FYB1: variants seen among roughly 807,000 people sequenced by gnomAD.
FYB1 encodes the protein FYN-binding protein 1.
FYB1 carries 41 observed loss-of-function variants against 94.1 expected under a neutral mutation model. The ratio of observed to expected loss-of-function variants is 0.44; its 90% CI spans 0.34 to 0.57. The LOEUF (loss-of-function observed/expected upper bound fraction) is 0.57, where lower values mean the gene tolerates loss of function less well. FYB1 is among the 20% of genes least tolerant of loss of function. The pLI is 0.02. For synonymous variants in FYB1, 367 were observed against 353.2 expected (o/e 1.04, Z -0.44); for missense variants, 1,050 against 976.8 (o/e 1.07, Z -1.00).
At chr5:39,240,201 A>G (rs1412084066) in intron 1 of FYB1, among the ~76,000 whole-genome samples, 1 of 152,156 alleles carries the variant, frequency 6.6e-6, no homozygotes, top group Non-Finnish European at 1.5e-5. Context: ...TAAATGTAAA[A>G]CCTAAAACCA....
At chr5:39,221,734 C>T (rs147058633), upstream of FYB1, among the ~76,000 whole-genome samples, 5 of 152,160 alleles carry the variant, frequency 3.3e-5, no homozygotes, top group African/African-American at 7.2e-5. Flanking sequence ...AGGTGGCTCA[C>T]GCCTATAATC....
rs1388946526 is a variant in FYB1, at chr5:39,202,853, C to T, written c.108G>A (p.Lys36=). ...CATTTCCTTGGTTGTTGAATAAGTT[C>T]TTTCTTGCTTGTATTCCTGAAGATG... The part of the protein sequence containing the change: ...PNSSSGIQAR[K]NLFNNQGNAS... Residue 36 remains lysine (K), a synonymous_variant, in exon 2 of 19, where the codon AAG becomes AAA. Transcript: ENST00000512982. 6.2e-7 allele frequency: 1 copy of T among 1,613,986 alleles called. No homozygotes were observed. Among genetic ancestry groups the T allele is most frequent in the Non-Finnish European group, 8.5e-7 (1 of 1,179,894 alleles).
chr5:39,127,172 TG>T (rs1740757506), intron 11 of FYB1, among the ~76,000 whole-genome samples: 1 of 151,178 alleles, frequency 6.6e-6, no homozygotes, highest in African/African-American at 2.4e-5. Context: ...GTTTATAAAT[TG>T]TTATAATTAT....
intron 1 of FYB1, among the ~76,000 whole-genome samples, chr5:39,237,961 C>A (rs945307188): frequency 6.6e-6 from 1 of 151,948 alleles, no homozygotes; most frequent in African/African-American, 2.4e-5. Context: ...TTGCTTTAGA[C>A]AAAGATATAG....
intron 2 of FYB1, among the ~76,000 whole-genome samples, chr5:39,184,104 A>G (rs1017346655): frequency 6.6e-6 from 1 of 152,242 alleles, no homozygotes; most frequent in Non-Finnish European, 1.5e-5. Flanking sequence ...GTTTTCAGAA[A>G]GAAAGTAAAT....
At chr5:39,171,193 G>A (rs907476125) in intron 2 of FYB1, among the ~76,000 whole-genome samples, 1 of 152,036 alleles carries the variant, frequency 6.6e-6, no homozygotes, top group Non-Finnish European at 1.5e-5. Context: ...GGGAGGCTGA[G>A]GCAGGAGAAT....
intron 2 of FYB1, among the ~76,000 whole-genome samples, chr5:39,190,768 T>TTGTGTGTGTGTGTGTGTG (rs3028815): frequency 2.6e-4 from 38 of 146,564 alleles, no homozygotes; most frequent in African/African-American, 6.5e-4. Context: ...CCATGCTTAT[T>TTGTGTGTGTGTGTGTGTG]TGTGTGTGTG....
chr5:39,121,482 A>G (rs1430683323), intron 14 of FYB1, among the ~76,000 whole-genome samples: 1 of 152,116 alleles, frequency 6.6e-6, no homozygotes, highest in Non-Finnish European at 1.5e-5. Flanking sequence ...TTACTCATGC[A>G]TTTTTACCAG....
At position 39,268,084 on chromosome 5, in the gene FYB1, A is replaced by G. The variant is rs779768525; in HGVS notation, c.-28+6319T>C. On this transcript the variant is annotated intron_variant, in intron 1 of 1. Coordinates refer to the FYB1 transcript ENST00000510188. The stretch of plus-strand genomic sequence containing the variant: ...ATAAAATGTGAGGAAATAGTTCATA[A>G]AGTATATAACACTTATAAAATTACA... Among the ~76,000 whole-genome samples the G allele has an allele frequency of 3.7e-4, 56 of 152,322 alleles. 1 individual carries two copies. The Middle Eastern group carries it at 0.014, about 37-fold the overall frequency.
At chr5:39,132,293 G>T (rs773001600) in intron 9 of FYB1, among the ~76,000 whole-genome samples, 1 of 152,122 alleles carries the variant, frequency 6.6e-6, no homozygotes, top group Non-Finnish European at 1.5e-5. Flanking sequence ...GCAAGCTGCC[G>T]GCTACACTCA....
At chr5:39,177,793 A>G (rs2150414464) in intron 2 of FYB1, among the ~76,000 whole-genome samples, 1 of 152,310 alleles carries the variant, frequency 6.6e-6, no homozygotes, top group African/African-American at 2.4e-5. Context: ...GGTGTCTTGC[A>G]GCTCTGGCTT....
chr5:39,253,864 G>C (rs911192994), intron 1 of FYB1, among the ~76,000 whole-genome samples: 1 of 152,120 alleles, frequency 6.6e-6, no homozygotes, highest in African/African-American at 2.4e-5. Flanking sequence ...ATATGCCCCA[G>C]TGTGTGTTGT....
chr5:39,114,043 A>G (rs1182433650), intron 16 of FYB1, among the ~76,000 whole-genome samples: 1 of 152,120 alleles, frequency 6.6e-6, no homozygotes, highest in African/African-American at 2.4e-5. Flanking sequence ...AAAATTGAAA[A>G]AAAAATTATG....
upstream of FYB1, among the ~76,000 whole-genome samples, chr5:39,220,786 G>A (rs1279043963): frequency 6.6e-6 from 1 of 152,198 alleles, no homozygotes; most frequent in Non-Finnish European, 1.5e-5. Context: ...TAGAGTAGTA[G>A]GGTCAGCAAA....
At chr5:39,234,103 C>A (rs539540630) in intron 1 of FYB1, among the ~76,000 whole-genome samples, 2 of 152,220 alleles carry the variant, frequency 1.3e-5, no homozygotes, top group South Asian at 4.1e-4. Flanking sequence ...ATTTCTAGGT[C>A]TTTAAACAGC....
chr5:39,109,986 A>C (rs1738908973), intron 17 of FYB1, among the ~76,000 whole-genome samples: 2 of 152,146 alleles, frequency 1.3e-5, no homozygotes, highest in Non-Finnish European at 2.9e-5. Flanking sequence ...GAAGTCACTA[A>C]TTGGTCCCAA....
At chr5:39,215,033 G>A (rs1237343547) in intron 1 of FYB1, among the ~76,000 whole-genome samples, 3 of 152,138 alleles carry the variant, frequency 2.0e-5, no homozygotes, top group Non-Finnish European at 4.4e-5. Context: ...GAGGGAGGAG[G>A]GAACAGGCAA....
intron 2 of FYB1, among the ~76,000 whole-genome samples, chr5:39,157,480 A>G (rs1743859596): frequency 6.6e-6 from 1 of 152,206 alleles, no homozygotes. Flanking sequence ...TAAACATTCA[A>G]GCTAGTAGGA....
chr5:39,126,742 A>C (rs1047275226), intron 11 of FYB1, among the ~76,000 whole-genome samples: 1 of 142,418 alleles, frequency 7.0e-6, no homozygotes, highest in Admixed American at 7.0e-5. Flanking sequence ...ATTTTGCTTT[A>C]TTTATGATTA....
Sources: allele counts gnomAD v4.1 joint callset (sites outside exome capture counted in the v4.1 genomes callset), GRCh38; gene constraint gnomAD v4.1.1; transcripts MANE v1.5; gene names NCBI Gene and HGNC (gene_info 2026-07-23, HGNC 2026-07-21).